Variants in HNF1B observed in about 807,000 individuals in gnomAD.
The protein encoded by HNF1B is hepatocyte nuclear factor 1-beta.
A neutral mutation model predicts 61.7 loss-of-function variants in HNF1B; 8 were observed. That is an observed-to-expected ratio of 0.13 (90% confidence interval 0.08 to 0.23). The LOEUF is 0.23. Among genes scored for constraint, HNF1B ranks in the 10% least tolerant of loss-of-function variants. The pLI, the probability that HNF1B is intolerant of heterozygous loss-of-function variation, is 1.00. For synonymous variants in HNF1B, 314 were observed against 287.7 expected, an observed-to-expected ratio of 1.09 and a Z score of -0.93; for missense variants, 562 against 714.5, an observed-to-expected ratio of 0.79 and a Z score of 2.43.
chr17:37,700,388 A>C (rs915778290), intron 7 of HNF1B, among the ~76,000 whole-genome samples: 2 of 152,262 alleles, frequency 1.3e-5, no homozygotes, highest in African/African-American at 4.8e-5. Context: ...GTCTGTGTGC[A>C]GAGATGCAGG....
At chr17:37,739,352 G>A (rs1309133039) in intron 2 of HNF1B, 88 bp downstream of exon 2, 2 of 1,253,756 alleles carry the variant, frequency 1.6e-6, no homozygotes, top group Admixed American at 3.4e-5. Context: ...ACAAGGCCTT[G>A]TCGATGAAAG....
chr17:37,727,869 G>C (rs943221511), intron 4 of HNF1B, among the ~76,000 whole-genome samples: 1 of 152,150 alleles, frequency 6.6e-6, no homozygotes, highest in African/African-American at 2.4e-5. Flanking sequence ...GCTGATGTTT[G>C]GAGAGGGGAG....
chr17:37,719,002 A>G (rs1422957024), intron 4 of HNF1B, among the ~76,000 whole-genome samples: 3 of 152,156 alleles, frequency 2.0e-5, no homozygotes, highest in Non-Finnish European at 4.4e-5. Context: ...TGGTGGTGCA[A>G]TCACAGCTCA....
chr17:37,695,413 A>G (rs1302957253), intron 8 of HNF1B, among the ~76,000 whole-genome samples: 1 of 152,270 alleles, frequency 6.6e-6, no homozygotes, highest in East Asian at 1.9e-4. Flanking sequence ...GCAGGGGCAG[A>G]GCCCCCACAG....
At position 37,733,743 on chromosome 17, in the gene HNF1B, T is replaced by A; in HGVS notation, c.623A>T (p.Glu208Val). The change falls in exon 3 of 9, where the codon GAG becomes GTG. Residue 208 changes from glutamate (E) to valine (V), a missense_variant. Coordinates refer to ENST00000617811, the MANE Select transcript of HNF1B (RefSeq NM_000458.4). ...AGGCCCATGGCTCTGTTGACTGAAC[T>A]CTGGAAAGAGAAACAGCAGCTGATC... is the stretch of plus-strand genomic sequence containing the variant. ...SQDQLLFLFP[E>V]FSQQSHGPGQ... 1.9e-6 allele frequency: 3 copies of A among 1,614,162 alleles called. No homozygotes were observed. Among genetic ancestry groups the A allele is most frequent in the Non-Finnish European group, 2.5e-6 (3 of 1,180,026 alleles).
chr17:37,736,234 C>A (rs1243953758), intron 2 of HNF1B, among the ~76,000 whole-genome samples: 1 of 152,208 alleles, frequency 6.6e-6, no homozygotes, highest in Non-Finnish European at 1.5e-5. Flanking sequence ...CTGTGTGGCA[C>A]CAGTAGAGTC....
At position 37,744,678 on chromosome 17, in the gene HNF1B, G is replaced by A. The variant is rs1242601353; in HGVS notation, c.207C>T (p.His69=). 6.2e-7 allele frequency: 1 copy of A among 1,613,486 alleles called. No individual in the cohort carries two copies. Among genetic ancestry groups the A allele is most frequent in the African/African-American group, 1.3e-5 (1 of 75,082 alleles). Reference sequence around the variant, plus strand: ...CGTCGCCGGACAAGCGGCCCTTGGCGTGGCCGTTGGTGAGAGTATGGAAGA... The same window carrying A: ...CGTCGCCGGACAAGCGGCCCTTGGCATGGCCGTTGGTGAGAGTATGGAAGA... ...KPVFHTLTNG[H]AKGRLSGDEG... Residue 69 remains histidine, a synonymous_variant, in exon 1 of 9, where the codon CAC becomes CAT. Coordinates refer to ENST00000617811, the MANE Select transcript of HNF1B (RefSeq NM_000458.4).
rs72158174 is a variant in HNF1B at position 37,703,413 on chromosome 17, G to GTATA, written c.1339+1500_1339+1503dup. On this transcript the variant is annotated intron_variant, in intron 6 of 8. Coordinates refer to ENST00000617811, the MANE Select transcript of HNF1B (RefSeq NM_000458.4). ...CCCAGGGAAAATTTTAATTCAGATAGTATATATATATATATAACTGTATGG... is the reference window on the plus strand; with the variant it reads ...CCCAGGGAAAATTTTAATTCAGATAGTATATATATATATATATATAACTGTATGG... 5.8e-3 allele frequency among the ~76,000 whole-genome samples: 878 copies of GTATA among 150,280 alleles called. 3 individuals carry two copies. The highest frequency in any genetic ancestry group is 0.019 in the African/African-American group (768 of 40,922).
rs76092143 is a variant in HNF1B, at chr17:37,737,321, C to T, written c.544+2119G>A. Among the ~76,000 whole-genome samples the T allele has an allele frequency of 9.8e-3, 1,490 of 152,236 alleles. 25 individuals carry two copies. The highest frequency in any genetic ancestry group is 0.034 in the African/African-American group (1,405 of 41,518). ...GCAATTTAGCAATTCCTCTGCTGCC[C>T]CTTGTGTATATCTTTATAACAGCTC... On this transcript the variant is annotated intron_variant, in intron 2 of 8. Coordinates refer to ENST00000617811, the MANE Select transcript of HNF1B (RefSeq NM_000458.4).
At chr17:37,701,805 T>C (rs759734627) in intron 6 of HNF1B, among the ~76,000 whole-genome samples, 1 of 152,160 alleles carries the variant, frequency 6.6e-6, no homozygotes, top group Non-Finnish European at 1.5e-5. Context: ...GCATATCTTA[T>C]GTGGCAGCAT....
intron 1 of HNF1B, 58 bp downstream of exon 1, chr17:37,744,483 C>T: frequency 1.3e-6 from 2 of 1,568,816 alleles, no homozygotes; most frequent in Non-Finnish European, 1.7e-6. Flanking sequence ...GTCACTCAGG[C>T]CCGGGGCCGG....
chr17:37,709,451 C>T (rs551495266), intron 5 of HNF1B, among the ~76,000 whole-genome samples: 51 of 151,834 alleles, frequency 3.4e-4, no homozygotes, highest in African/African-American at 1.2e-3. Flanking sequence ...GATGGTGTTT[C>T]GCCCTGTTGT....
chr17:37,744,694 G>C lies in HNF1B; in HGVS notation c.191C>G (p.Thr64Ser), dbSNP rs750176807. 2 of 1,613,460 alleles carry C rather than the reference G, an allele frequency of 1.2e-6. No individual in the cohort carries two copies. Among genetic ancestry groups the C allele is most frequent in the Admixed American group, 1.7e-5 (1 of 60,014 alleles). ...GCCCTTGGCGTGGCCGTTGGTGAGA[G>C]TATGGAAGACCGGCTTGGTGTCGGG... Reference protein sequence around the residue: ...AEPDTKPVFHTLTNGHAKGRL... With the variant: ...AEPDTKPVFHSLTNGHAKGRL... The change falls in exon 1 of 9, where the codon ACT becomes AGT. Residue 64 changes from threonine (T) to serine (S), a missense_variant. By Grantham distance (58) the Thr-to-Ser change is moderately conservative (BLOSUM62 1). Transcript: ENST00000617811.
intron 8 of HNF1B, among the ~76,000 whole-genome samples, chr17:37,692,327 T>C (rs2032232110): frequency 6.6e-6 from 1 of 152,218 alleles, no homozygotes; most frequent in Non-Finnish European, 1.5e-5. Flanking sequence ...TGGGTTGTTA[T>C]TATGGGTGCT....
rs771455276 is a variant in HNF1B at position 37,731,637 on chromosome 17, G to A, written c.1003C>T (p.Pro335Ser). Reference sequence around the variant, plus strand: ...GGAGAGGAGCTGGGCTGGTGGTGGGGGGAGCCGTGGGAGAGCAGAGGGTTC... The same window carrying A: ...GGAGAGGAGCTGGGCTGGTGGTGGGAGGAGCCGTGGGAGAGCAGAGGGTTC... ...SLNPLLSHGS[P>S]HHQPSSSPPN... is the part of the protein sequence containing the mutation. The change falls in exon 4 of 9, where the codon CCC (proline) becomes TCC (serine). Residue 335 changes from proline to serine, a missense_variant. By Grantham distance (74) the Pro-to-Ser change is moderately conservative. This residue lies in a region of HNF1B where 211 missense variants were observed against 200.7 expected (regional missense o/e 1.05). Coordinates refer to ENST00000617811, the MANE Select transcript of HNF1B (RefSeq NM_000458.4). 1.2e-6 allele frequency: 2 copies of A among 1,614,046 alleles called. No individual in the cohort carries two copies. The highest frequency in any genetic ancestry group is 2.2e-5 in the South Asian group (2 of 91,056).
At chr17:37,737,211 T>C (rs562830689) in intron 2 of HNF1B, among the ~76,000 whole-genome samples, 3 of 152,352 alleles carry the variant, frequency 2.0e-5, no homozygotes, top group African/African-American at 7.2e-5. Flanking sequence ...CTAATTCTTA[T>C]ATCATGCTTG....
At chr17:37,719,725 TG>T (rs1202553954) in intron 4 of HNF1B, among the ~76,000 whole-genome samples, 2 of 152,234 alleles carry the variant, frequency 1.3e-5, no homozygotes. Flanking sequence ...ACTGAGCCAC[TG>T]GGTGTCCACA....
chr17:37,725,741 G>A (rs1043878983), intron 4 of HNF1B, among the ~76,000 whole-genome samples: 2 of 152,244 alleles, frequency 1.3e-5, no homozygotes, highest in Admixed American at 6.5e-5. Context: ...TTGCTGCTGA[G>A]ATGAATATTT....
chr17:37,714,127 A>G (rs1056226892), intron 4 of HNF1B, among the ~76,000 whole-genome samples: 12 of 152,210 alleles, frequency 7.9e-5, no homozygotes, highest in Admixed American at 3.3e-4. Context: ...ACTGTTAACA[A>G]TATCCATCTG....
Sources: gnomAD v4.1 joint callset for allele counts (sites outside exome capture counted in the v4.1 genomes callset) on GRCh38, gnomAD v4.1.1 for gene constraint, gnomAD v4.1.1 regional missense constraint, MANE v1.5 for transcripts, NCBI Gene and HGNC (gene_info 2026-07-23, HGNC 2026-07-21) for gene names.